The following SPATA9 variants were observed in gnomAD, a reference collection of about 807,000 sequenced individuals.
The protein encoded by SPATA9 is spermatogenesis-associated protein 9.
A neutral mutation model predicts 25.5 loss-of-function variants in SPATA9; 27 were observed. That is an observed-to-expected ratio of 1.06 (90% CI 0.78 to 1.46). The LOEUF (loss-of-function observed/expected upper bound fraction) is 1.46. SPATA9 is among the 40% of genes most tolerant of loss of function. The probability of loss-of-function intolerance (pLI) is 0.00; values close to 1 mark genes in which losing one functional copy is unlikely to be tolerated. For synonymous variants in SPATA9, 102 were observed against 105.7 expected (o/e 0.97, Z 0.21); for missense variants, 282 against 297.5 (o/e 0.95, Z 0.38).
chr5:95,728,798 G>C, the SPATA9 span, among the ~76,000 whole-genome samples: 1 of 152,122 alleles, frequency 6.6e-6, no homozygotes, highest in Non-Finnish European at 1.5e-5. Context: ...CAGGATACAG[G>C]TCACAAAGAC....
chr5:95,689,911 T>C (rs1366912253), intron 1 of SPATA9, among the ~76,000 whole-genome samples: 1 of 152,154 alleles, frequency 6.6e-6, no homozygotes, highest in Non-Finnish European at 1.5e-5. Flanking sequence ...TGAAGGCCAT[T>C]ATCCTAAGCA....
chr5:95,662,147 CA>C (rs1263878956), intron 4 of SPATA9, among the ~76,000 whole-genome samples: 1 of 151,494 alleles, frequency 6.6e-6, no homozygotes, highest in African/African-American at 2.4e-5. Context: ...TTGATTTATG[CA>C]AAAAAGAGTA....
At chr5:95,713,016 T>G in the SPATA9 span, among the ~76,000 whole-genome samples, 1 of 152,230 alleles carries the variant, frequency 6.6e-6, no homozygotes, top group Non-Finnish European at 1.5e-5. Context: ...TATTCTCCTA[T>G]TAAGTTTGCA....
intron 1 of SPATA9, among the ~76,000 whole-genome samples, chr5:95,690,236 T>C (rs936556801): frequency 6.6e-6 from 1 of 152,178 alleles, no homozygotes; most frequent in African/African-American, 2.4e-5. Flanking sequence ...TTAAACAGAA[T>C]TGGAAATATC....
downstream of SPATA9, chr5:95,654,006 C>T: frequency 6.7e-7 from 1 of 1,499,720 alleles, no homozygotes; most frequent in South Asian, 1.2e-5. Context: ...CTCCATTAAG[C>T]TGGAACCAAA....
At chr5:95,707,157 A>G in the SPATA9 span, among the ~76,000 whole-genome samples, 1 of 152,242 alleles carries the variant, frequency 6.6e-6, no homozygotes, top group Non-Finnish European at 1.5e-5. Flanking sequence ...TTATTTTCAG[A>G]CAGAAATCAG....
downstream of SPATA9, chr5:95,655,938 GAA>G: frequency 5.9e-6 from 6 of 1,009,300 alleles, no homozygotes; most frequent in Non-Finnish European, 8.8e-6. Flanking sequence ...AGGAAAAAAA[GAA>G]AAGCTAACCT....
At chr5:95,698,198 G>A (rs1754084898) in intron 1 of SPATA9, among the ~76,000 whole-genome samples, 1 of 152,206 alleles carries the variant, frequency 6.6e-6, no homozygotes, top group Non-Finnish European at 1.5e-5. Context: ...AAAAAGGTGT[G>A]CACTGCGATC....
At chr5:95,710,256 G>C in the SPATA9 span, among the ~76,000 whole-genome samples, 4 of 152,172 alleles carry the variant, frequency 2.6e-5, no homozygotes, top group Non-Finnish European at 5.9e-5. Context: ...AGTTTCGGTA[G>C]TTTCTAACAG....
chr5:95,658,157 T>G (rs898046233), downstream of SPATA9: 1 of 152,350 alleles, frequency 6.6e-6, no homozygotes, highest in African/African-American at 2.4e-5. Context: ...GAATTGCAAA[T>G]CCTTCATAAC....
Position 95,682,833 on chromosome 5 carries a change from A to T in SPATA9, c.22T>A (p.Trp8Arg), listed in dbSNP as rs576306492. Residue 8 changes from tryptophan (W) to arginine (R), a missense_variant, in exon 1 of 5, where the codon TGG becomes AGG. Physicochemically the swap from Trp to Arg is moderately radical, Grantham distance 101. Transcript: ENST00000274432. MPIKPVGWICGQVLKNFS... is the reference protein window; with the variant it reads MPIKPVGRICGQVLKNFS... ...TTCTTCAACACCTGCCCACATATCC[A>T]CCCAACAGGTTTGATTGGCATGGTG... is the stretch of plus-strand genomic sequence containing the variant. 6.5e-7 allele frequency: 1 copy of T among 1,544,566 alleles called. No homozygotes were observed.
chr5:95,696,294 A>G (rs1032820981), intron 1 of SPATA9, among the ~76,000 whole-genome samples: 2 of 101,358 alleles, frequency 2.0e-5, no homozygotes, highest in Non-Finnish European at 4.2e-5. Context: ...AATTCATTTA[A>G]AACTAACAAT....
At chr5:95,731,526 G>C in the SPATA9 span, 16 of 1,302,274 alleles carry the variant, frequency 1.2e-5, no homozygotes, top group Non-Finnish European at 1.6e-5. Flanking sequence ...GCGCGGCCCC[G>C]GCCCCGCTCT....
the SPATA9 span, among the ~76,000 whole-genome samples, chr5:95,722,222 T>C: frequency 4.2e-3 from 645 of 152,114 alleles, 20 homozygotes; most frequent in Admixed American, 0.032. Flanking sequence ...GTGCAGGAGA[T>C]GGGGAAGGCT....
At chr5:95,681,093 G>A (rs1377435820) in intron 2 of SPATA9, among the ~76,000 whole-genome samples, 1 of 152,010 alleles carries the variant, frequency 6.6e-6, no homozygotes, top group East Asian at 1.9e-4. Flanking sequence ...GCCTCCATTC[G>A]GATCTCATTA....
At chr5:95,724,867 G>A in the SPATA9 span, among the ~76,000 whole-genome samples, 1 of 152,010 alleles carries the variant, frequency 6.6e-6, no homozygotes, top group Non-Finnish European at 1.5e-5. Context: ...GTAATGCCTG[G>A]TACATGGTAA....
the SPATA9 span, among the ~76,000 whole-genome samples, chr5:95,718,825 G>T: frequency 1.8e-3 from 281 of 152,270 alleles, 2 homozygotes; most frequent in African/African-American, 6.4e-3. Flanking sequence ...GACAGAAGAG[G>T]TCTAGCAGAG....
At chr5:95,721,459 C>T in the SPATA9 span, among the ~76,000 whole-genome samples, 12 of 152,122 alleles carry the variant, frequency 7.9e-5, no homozygotes, top group Middle Eastern at 6.8e-3. Flanking sequence ...TGGGCCTTGT[C>T]GGAGTTGTGA....
chr5:95,658,994 C>A, intron 4 of SPATA9, 81 bp from the exon 5 acceptor site: 1 of 1,489,382 alleles, frequency 6.7e-7, no homozygotes, highest in Non-Finnish European at 9.0e-7. Context: ...ATATAGTGTT[C>A]CACATAAAGT....
Sources: allele counts gnomAD v4.1 joint callset (sites outside exome capture counted in the v4.1 genomes callset), GRCh38; gene constraint gnomAD v4.1.1; transcripts MANE v1.5; gene names NCBI Gene and HGNC (gene_info 2026-07-23, HGNC 2026-07-21).